The following CYP7B1 variants were observed in gnomAD, a reference collection of about 807,000 sequenced individuals.
CYP7B1 encodes cytochrome P450 family 7 subfamily B member 1, also known as cytochrome P450 7B1.
CYP7B1 carries 29 observed loss-of-function variants against 42.7 expected under a neutral mutation model. The ratio of observed to expected loss-of-function variants is 0.68; its 90% CI spans 0.51 to 0.93. CYP7B1 has a LOEUF of 0.93. Ranked by LOEUF, CYP7B1 falls within the 40% of genes least tolerant of loss-of-function variation. The probability of loss-of-function intolerance (pLI) is 0.00; values close to 1 mark genes in which losing one functional copy is unlikely to be tolerated. For synonymous variants in CYP7B1, 235 were observed against 218.2 expected (o/e 1.08, Z -0.68); for missense variants, 655 against 600.5 (o/e 1.09, Z -0.95).
chr8:64,709,326 T>C (rs1225116804), intron 1 of CYP7B1, among the ~76,000 whole-genome samples: 5 of 152,248 alleles, frequency 3.3e-5, no homozygotes, highest in Non-Finnish European at 7.3e-5. Context: ...TGTATCTTAT[T>C]TATGAGCTAT....
At chr8:64,669,278 G>T (rs1489871157) in intron 1 of CYP7B1, among the ~76,000 whole-genome samples, 2 of 152,000 alleles carry the variant, frequency 1.3e-5, no homozygotes, top group African/African-American at 4.8e-5. Flanking sequence ...ATATCGTACT[G>T]ATACAAAATG....
At chr8:64,734,001 T>A (rs1422761632) in intron 1 of CYP7B1, among the ~76,000 whole-genome samples, 1 of 151,904 alleles carries the variant, frequency 6.6e-6, no homozygotes, top group Non-Finnish European at 1.5e-5. Flanking sequence ...ATTAAAAAAA[T>A]AAAAATAAAA....
intron 1 of CYP7B1, among the ~76,000 whole-genome samples, chr8:64,718,200 A>G (rs560875174): frequency 7.9e-5 from 12 of 152,238 alleles, no homozygotes; most frequent in Non-Finnish European, 1.5e-4. Flanking sequence ...TCAAAGTGAG[A>G]GTTATTAACT....
intron 2 of CYP7B1, among the ~76,000 whole-genome samples, chr8:64,620,406 C>G (rs1805510752): frequency 6.6e-6 from 1 of 152,122 alleles, no homozygotes; most frequent in African/African-American, 2.4e-5. Flanking sequence ...CAATGATGTA[C>G]AGTGGTGCTT....
intron 1 of CYP7B1, among the ~76,000 whole-genome samples, chr8:64,642,550 C>T (rs958285775): frequency 6.6e-6 from 1 of 152,094 alleles, no homozygotes; most frequent in Non-Finnish European, 1.5e-5. Flanking sequence ...GTCACAGGTT[C>T]CTCACTAGAG....
chr8:64,738,944 A>G (rs1807530317), intron 1 of CYP7B1, among the ~76,000 whole-genome samples: 1 of 152,212 alleles, frequency 6.6e-6, no homozygotes, highest in Non-Finnish European at 1.5e-5. Flanking sequence ...TGGGCTCCCC[A>G]ACACTTTTAT....
At chr8:64,649,238 A>G (rs754819046) in intron 1 of CYP7B1, among the ~76,000 whole-genome samples, 1 of 152,202 alleles carries the variant, frequency 6.6e-6, no homozygotes, top group African/African-American at 2.4e-5. Flanking sequence ...GCCCTTGGCA[A>G]CTACCTTTTT....
intron 4 of CYP7B1, 77 bp from the exon 5 acceptor site, chr8:64,604,934 C>T: frequency 7.0e-7 from 1 of 1,437,622 alleles, no homozygotes; most frequent in Non-Finnish European, 9.6e-7. Context: ...CAATAAAACT[C>T]ATTACTAATA....
intron 1 of CYP7B1, among the ~76,000 whole-genome samples, chr8:64,634,158 G>A (rs1266563125): frequency 6.6e-6 from 1 of 152,086 alleles, no homozygotes; most frequent in Non-Finnish European, 1.5e-5. Context: ...CCCTCCATTT[G>A]GGTTGGGTTG....
At chr8:64,765,472 A>C (rs1444723041) in intron 1 of CYP7B1, among the ~76,000 whole-genome samples, 1 of 152,220 alleles carries the variant, frequency 6.6e-6, no homozygotes, top group Non-Finnish European at 1.5e-5. Flanking sequence ...ATACTCAGGA[A>C]CCCAGCCCAG....
intron 2 of CYP7B1, among the ~76,000 whole-genome samples, 192 bp from the exon 3 acceptor site, chr8:64,616,473 G>A (rs912838063): frequency 6.6e-6 from 1 of 152,116 alleles, no homozygotes; most frequent in Non-Finnish European, 1.5e-5. Flanking sequence ...AAACACTCTA[G>A]AAACGTGAAG....
chr8:64,636,962 T>C (rs1345447830), intron 1 of CYP7B1, among the ~76,000 whole-genome samples: 1 of 152,236 alleles, frequency 6.6e-6, no homozygotes, highest in Non-Finnish European at 1.5e-5. Flanking sequence ...ATGGAAGAGA[T>C]ATCAATTCCA....
intron 1 of CYP7B1, among the ~76,000 whole-genome samples, chr8:64,710,215 C>T (rs779223873): frequency 6.6e-6 from 1 of 152,180 alleles, no homozygotes; most frequent in Non-Finnish European, 1.5e-5. Flanking sequence ...TCACCCCATC[C>T]TCTCTGAAAC....
chr8:64,601,513 T>A (rs180860572), intron 5 of CYP7B1, among the ~76,000 whole-genome samples: 1 of 152,302 alleles, frequency 6.6e-6, no homozygotes, highest in Admixed American at 6.5e-5. Flanking sequence ...GTATCTTGCA[T>A]TGTGGCAGAA....
intron 1 of CYP7B1, among the ~76,000 whole-genome samples, chr8:64,756,883 C>G (rs145167869): frequency 1.3e-5 from 2 of 152,152 alleles, no homozygotes; most frequent in Non-Finnish European, 2.9e-5. Context: ...TTTCTAAGAA[C>G]TTTCATCTTC....
chr8:64,758,610 A>G (rs549324931), intron 1 of CYP7B1, among the ~76,000 whole-genome samples: 35 of 152,314 alleles, frequency 2.3e-4, no homozygotes, highest in Middle Eastern at 6.8e-3. Context: ...GGAAATAATA[A>G]ATGTAATTTT....
chr8:64,675,903 A>G (rs1806438632), intron 1 of CYP7B1, among the ~76,000 whole-genome samples: 1 of 152,104 alleles, frequency 6.6e-6, no homozygotes, highest in South Asian at 2.1e-4. Flanking sequence ...ACTTTTCTAC[A>G]TCCTAGGACC....
chr8:64,605,559 A>G lies in CYP7B1; in HGVS notation c.1058-702T>C, dbSNP rs191501822. Among the ~76,000 whole-genome samples, 94 of 152,258 alleles carry G rather than the reference A, an allele frequency of 6.2e-4. No individual in the cohort carries two copies. The East Asian group carries it at 0.013, about 21-fold the overall frequency. ...TCCTAGCACGACAGATTTTATGGCT[A>G]ATTTCCGGCAATTTATCCTGGCAGT... On this transcript the variant is annotated intron_variant, in intron 4 of 5. Transcript: ENST00000310193.
chr8:64,635,310 A>G (rs1374241344), intron 1 of CYP7B1, among the ~76,000 whole-genome samples: 1 of 152,224 alleles, frequency 6.6e-6, no homozygotes, highest in African/African-American at 2.4e-5. Flanking sequence ...CCCCAGTCCT[A>G]TAATCTTGCA....
Sources: allele counts gnomAD v4.1 joint callset (sites outside exome capture counted in the v4.1 genomes callset), GRCh38; gene constraint gnomAD v4.1.1; transcripts MANE v1.5; gene names NCBI Gene and HGNC (gene_info 2026-07-23, HGNC 2026-07-21).